Variants in PTPN14 observed in about 807,000 individuals in gnomAD.
PTPN14 encodes protein tyrosine phosphatase non-receptor type 14.
Under a neutral mutation model 126.8 loss-of-function variants are expected in PTPN14, and 53 were observed. That is an observed-to-expected ratio of 0.42 (90% CI 0.34 to 0.53). The LOEUF (loss-of-function observed/expected upper bound fraction) is 0.53. PTPN14 is among the 20% of genes least tolerant of loss of function. PTPN14 has a pLI of 0.08. For missense variants in PTPN14, 1,257 were observed against 1,552.9 expected (o/e 0.81, Z 3.20); for synonymous variants, 630 against 599.3 (o/e 1.05, Z -0.75).
chr1:214,389,037 T>G (rs1658690791), intron 11 of PTPN14, among the ~76,000 whole-genome samples: 2 of 152,204 alleles, frequency 1.3e-5, no homozygotes, highest in African/African-American at 2.4e-5. Flanking sequence ...TATTCCCAAG[T>G]CTCCCTTTGG....
intron 3 of PTPN14, among the ~76,000 whole-genome samples, chr1:214,424,963 CTGT>C (rs1659628615): frequency 6.6e-6 from 1 of 151,492 alleles, no homozygotes; most frequent in Admixed American, 6.6e-5. Flanking sequence ...CTATCCATCT[CTGT>C]TTTTTTTTTA....
At chr1:214,468,890 CT>C (rs1660696665) in intron 1 of PTPN14, among the ~76,000 whole-genome samples, 2 of 152,180 alleles carry the variant, frequency 1.3e-5, no homozygotes, top group Admixed American at 6.5e-5. Context: ...GCCATTGGTG[CT>C]TATTTTAATA....
At chr1:214,466,469 C>T (rs1462098874) in intron 1 of PTPN14, among the ~76,000 whole-genome samples, 1 of 152,184 alleles carries the variant, frequency 6.6e-6, no homozygotes, top group Non-Finnish European at 1.5e-5. Flanking sequence ...AGTAACAAGA[C>T]TTACTGACAC....
chr1:214,352,952 G>A lies in PTPN14; in HGVS notation c.*4970C>T. On this transcript the variant is annotated 3_prime_UTR_variant, in exon 19 of 19. Transcript: ENST00000366956. ...CTAAGAGCCCAACAGTAATTATGTGGTGCTTCCGGAAATGTCTTACTCTAG... is the reference window on the plus strand; with the variant it reads ...CTAAGAGCCCAACAGTAATTATGTGATGCTTCCGGAAATGTCTTACTCTAG... 1 of 152,136 alleles carries A rather than the reference G, an allele frequency of 6.6e-6. No homozygotes were observed. The allele number at this position is 152,136 out of a possible 1,614,324, so 9.4% of individuals were successfully genotyped here.
chr1:214,386,384 C>T (rs1311492363), intron 12 of PTPN14, among the ~76,000 whole-genome samples: 1 of 152,074 alleles, frequency 6.6e-6, no homozygotes, highest in African/African-American at 2.4e-5. Flanking sequence ...GCAAGTGTAC[C>T]AAGAAAGGGG....
intron 1 of PTPN14, among the ~76,000 whole-genome samples, chr1:214,501,116 G>A (rs557323561): frequency 2.6e-5 from 4 of 152,258 alleles, no homozygotes; most frequent in South Asian, 2.1e-4. Context: ...AGCGCAATTC[G>A]TCTCATGGAG....
At chr1:214,433,969 A>C (rs866762939) in intron 3 of PTPN14, among the ~76,000 whole-genome samples, 12,183 of 86,424 alleles carry the variant, frequency 0.14, 710 homozygotes, top group Middle Eastern at 0.22. Context: ...AAAAAAAAAA[A>C]AAACTCAAAA....
At chr1:214,516,654 C>G (rs1655109276) in intron 1 of PTPN14, among the ~76,000 whole-genome samples, 1 of 152,012 alleles carries the variant, frequency 6.6e-6, no homozygotes, top group Non-Finnish European at 1.5e-5. Context: ...CATAGTATTA[C>G]CAGGACTGTA....
At position 214,384,442 on chromosome 1, in the gene PTPN14, A is replaced by T. The variant is rs751314512; in HGVS notation, c.1413T>A (p.Ile471=). The T allele has an allele frequency of 1.2e-6, 2 of 1,613,980 alleles. No homozygotes were observed. Among genetic ancestry groups the T allele is most frequent in the Middle Eastern group, 1.6e-4 (1 of 6,062 alleles). ...SQSQSLRNLN[I]INTHAYNQPE... The stretch of plus-strand genomic sequence containing the variant: ...GCTGGTTGTAGGCATGGGTGTTGAT[A>T]ATGTTGAGGTTTCTCAGAGACTGGC... Residue 471 remains isoleucine (I), a synonymous_variant, in exon 13 of 19, where the codon ATT becomes ATA. Transcript: ENST00000366956. The surrounding 1 kb of genome is among the most constrained non-coding windows in gnomAD (Gnocchi z 5.3).
At chr1:214,367,458 T>C (rs1306997465) in intron 17 of PTPN14, among the ~76,000 whole-genome samples, 3 of 152,242 alleles carry the variant, frequency 2.0e-5, no homozygotes, top group East Asian at 3.8e-4. Context: ...TTGGAACTTG[T>C]AAATCAGTAT....
chr1:214,456,493 T>C (rs1434017726), intron 2 of PTPN14, among the ~76,000 whole-genome samples: 3 of 152,194 alleles, frequency 2.0e-5, no homozygotes, highest in East Asian at 3.8e-4. Context: ...TTGTGTGTAA[T>C]CAACCTCTAC....
Position 214,394,912 on chromosome 1 carries a change from G to A in PTPN14, c.833C>T (p.Ala278Val), listed in dbSNP as rs1364586620. 9 of 1,612,586 alleles carry A rather than the reference G, an allele frequency of 5.6e-6. No homozygotes were observed. Among genetic ancestry groups the A allele is most frequent in the Admixed American group, 5.0e-5 (3 of 59,998 alleles). ...LVELINKEET[A>V]LFHTDDIENA... ...TGTTGTGCTTACCGTGTGAAAGAGG[G>A]CAGTCTCTTCTTTGTTGATGAGCTC... The change falls in exon 9 of 19, where the codon GCC becomes GTC. Residue 278 changes from alanine to valine, a missense_variant. Coordinates refer to ENST00000366956, the MANE Select transcript of PTPN14 (RefSeq NM_005401.5).
At chr1:214,496,767 CT>C (rs1204020473) in intron 1 of PTPN14, among the ~76,000 whole-genome samples, 1 of 138,582 alleles carries the variant, frequency 7.2e-6, no homozygotes, top group Non-Finnish European at 1.7e-5. Context: ...TCAGTTTTAA[CT>C]TAATATCTAA....
At chr1:214,512,985 C>A (rs1655014534) in intron 1 of PTPN14, among the ~76,000 whole-genome samples, 1 of 152,096 alleles carries the variant, frequency 6.6e-6, no homozygotes, top group Non-Finnish European at 1.5e-5. Context: ...AGCTACCGCA[C>A]CCAGCCAAAA....
At chr1:214,524,141 C>G (rs1037037158) in intron 1 of PTPN14, among the ~76,000 whole-genome samples, 2 of 151,960 alleles carry the variant, frequency 1.3e-5, no homozygotes, top group South Asian at 2.1e-4. Context: ...TGAGCCACCA[C>G]GTCTGGCTGA....
intron 1 of PTPN14, among the ~76,000 whole-genome samples, chr1:214,474,762 C>G (rs1660831795): frequency 6.6e-6 from 1 of 152,102 alleles, no homozygotes; most frequent in South Asian, 2.1e-4. Flanking sequence ...AGGCAATCTT[C>G]TAGGAGGACA....
At chr1:214,397,876 TAAAAAAG>T (rs757622052) in intron 8 of PTPN14, 30 bp downstream of exon 8, 17 of 1,508,638 alleles carry the variant, frequency 1.1e-5, no homozygotes, top group East Asian at 2.3e-5. Flanking sequence ...TTCCTCAAGG[TAAAAAAG>T]AAAAAAGAAA....
chr1:214,471,472 T>C (rs561390817), intron 1 of PTPN14, among the ~76,000 whole-genome samples: 13 of 152,320 alleles, frequency 8.5e-5, no homozygotes, highest in Non-Finnish European at 1.6e-4. Context: ...AAAACAGTGC[T>C]AGTGAGCACT....
At chr1:214,375,433 G>A (rs1036476560) in intron 15 of PTPN14, among the ~76,000 whole-genome samples, 5 of 152,196 alleles carry the variant, frequency 3.3e-5, no homozygotes, top group African/African-American at 1.2e-4. Context: ...AACATTAATA[G>A]ATGAACAAAT....
Sources: allele counts gnomAD v4.1 joint callset (sites outside exome capture counted in the v4.1 genomes callset), GRCh38; gene constraint gnomAD v4.1.1; non-coding constraint Gnocchi (gnomAD v3.1); transcripts MANE v1.5; gene names NCBI Gene and HGNC (gene_info 2026-07-23, HGNC 2026-07-21).